Variants in FRRS1 observed in about 807,000 individuals in gnomAD.
The protein encoded by FRRS1 is ferric reductase 1.
FRRS1 carries 51 observed loss-of-function variants against 70.7 expected under a neutral mutation model. The observed-to-expected ratio is 0.72, with a 90% CI of 0.58 to 0.91. FRRS1 has a LOEUF of 0.91. Among genes scored for constraint, FRRS1 ranks in the 40% least tolerant of loss-of-function variants. FRRS1 has a pLI of 0.00. For missense variants in FRRS1, 672 were observed against 726.0 expected, an observed-to-expected ratio of 0.93 and a Z score of 0.86; for synonymous variants, 225 against 238.7, an observed-to-expected ratio of 0.94 and a Z score of 0.53.
intron 10 of FRRS1, among the ~76,000 whole-genome samples, chr1:99,719,070 CAAA>C (rs57652002): frequency 4.7e-5 from 7 of 147,532 alleles, no homozygotes; most frequent in African/African-American, 4.9e-5. Context: ...ACAGCTGTGT[CAAA>C]AAAAAAAAAG....
intron 9 of FRRS1, among the ~76,000 whole-genome samples, chr1:99,723,620 T>A (rs1354244461): frequency 2.0e-5 from 3 of 152,196 alleles, no homozygotes; most frequent in Non-Finnish European, 4.4e-5. Context: ...AGGGGAATCA[T>A]GTTCTATCAA....
chr1:99,745,702 A>G (rs1012603876), intron 4 of FRRS1, among the ~76,000 whole-genome samples: 18 of 152,170 alleles, frequency 1.2e-4, no homozygotes, highest in African/African-American at 4.3e-4. Flanking sequence ...TAAGTGTTCT[A>G]TTGATATTTG....
chr1:99,742,261 T>G lies in FRRS1; in HGVS notation c.346A>C (p.Ser116Arg). The G allele has an allele frequency of 6.2e-7, 1 of 1,602,772 alleles. No homozygotes were observed. Among genetic ancestry groups the G allele is most frequent in the South Asian group, 1.1e-5 (1 of 90,740 alleles). ...TCEDIQGSAV[S>R]HRSASKKTEI... The stretch of plus-strand genomic sequence containing the variant: ...GTTTTTTTAGATGCACTTCTGTGAC[T>G]CACTGCTGATCCCTGAAATAAAAGG... The change falls in exon 5 of 17, where the codon AGT becomes CGT. Residue 116 changes from serine (S) to arginine (R), a missense_variant. Transcript: ENST00000646001.
Position 99,709,007 on chromosome 1 carries a change from A to AG in FRRS1, c.*20_*21insC, listed in dbSNP as rs1221642865. The AG allele has an allele frequency of 6.2e-7, 1 of 1,613,942 alleles. No homozygotes were observed. Among genetic ancestry groups the AG allele is most frequent in the East Asian group, 2.2e-5 (1 of 44,864 alleles). On this transcript the variant is annotated 3_prime_UTR_variant, in exon 17 of 17. Coordinates refer to ENST00000646001, the MANE Select transcript of FRRS1 (RefSeq NM_001361041.2). ...GATGATAATTATCACTTGGCCTGCA[A>AG]AAGCCAAGGTCTTTGCTTGCTCATA...
rs183916101 is a variant in FRRS1 at position 99,715,489 on chromosome 1, C to T, written c.1323+97G>A. ...AAAGGGAAAGAAAGAGGGATCAATG[C>T]TGAAATATCTTTTTACCCATCATTT... On this transcript the variant is annotated intron_variant, in intron 12 of 16. Coordinates refer to ENST00000646001, the MANE Select transcript of FRRS1 (RefSeq NM_001361041.2). 2,441 of 745,682 alleles carry T rather than the reference C, an allele frequency of 3.3e-3. 8 individuals carry two copies. The highest frequency in any genetic ancestry group is 3.6e-3 in the Non-Finnish European group (1,519 of 422,172). The allele number at this position is 745,682 out of a possible 1,614,324, so 46.2% of individuals were successfully genotyped here.
Position 99,728,496 on chromosome 1 carries a change from C to A in FRRS1, c.1003G>T (p.Asp335Tyr). Reference sequence around the variant, plus strand: ...GACAGCTTAACAATATACTTACCATCATTAGCTGCACCATCTGCTAGAAAT... The same window carrying A: ...GACAGCTTAACAATATACTTACCATAATTAGCTGCACCATCTGCTAGAAAT... ...YIFLADGAAN[D>Y]GRIYKHSQQP... is the part of the protein sequence containing the mutation. The change falls in exon 9 of 17, where the codon GAT becomes TAT. Residue 335 changes from aspartate (D) to tyrosine (Y), a missense_variant. Transcript: ENST00000646001. 1 of 1,608,534 alleles carries A rather than the reference C, an allele frequency of 6.2e-7. No homozygotes were observed. The highest frequency in any genetic ancestry group is 8.5e-7 in the Non-Finnish European group (1 of 1,175,838).
intron 4 of FRRS1, among the ~76,000 whole-genome samples, chr1:99,744,969 CAAAAAAAAAAAAA>C (rs71075450): frequency 1.3e-3 from 118 of 91,768 alleles, no homozygotes; most frequent in East Asian, 0.01. Context: ...GACTCCGTCT[CAAAAAAAAAAAAA>C]AAAAAAAAAA....
chr1:99,731,044 A>G (rs1655356874), intron 7 of FRRS1, among the ~76,000 whole-genome samples: 1 of 152,180 alleles, frequency 6.6e-6, no homozygotes, highest in African/African-American at 2.4e-5. Context: ...TCCAAAAAAG[A>G]GAAATAAAAC....
intron 4 of FRRS1, among the ~76,000 whole-genome samples, chr1:99,745,970 A>ATGAGGCCTCCC (rs1345808735): frequency 6.8e-6 from 1 of 147,432 alleles, no homozygotes; most frequent in Non-Finnish European, 1.5e-5. Flanking sequence ...GTAAAAGGCC[A>ATGAGGCCTCCC]TGAGGCCTCC....
At chr1:99,761,628 A>G (rs2101006393) in intron 1 of FRRS1, among the ~76,000 whole-genome samples, 1 of 152,320 alleles carries the variant, frequency 6.6e-6, no homozygotes, top group Non-Finnish European at 1.5e-5. Flanking sequence ...AATACTATTA[A>G]CCTATAATTG....
chr1:99,720,593 T>C (rs1381928626), intron 9 of FRRS1, among the ~76,000 whole-genome samples: 1 of 152,106 alleles, frequency 6.6e-6, no homozygotes, highest in Non-Finnish European at 1.5e-5. Context: ...ACAGGTTATA[T>C]TATCTGCCCA....
intron 6 of FRRS1, among the ~76,000 whole-genome samples, chr1:99,738,470 A>C (rs796350812): frequency 6.6e-6 from 1 of 152,264 alleles, no homozygotes; most frequent in Non-Finnish European, 1.5e-5. Context: ...ATGAACTTTT[A>C]AACTTAATTA....
chr1:99,724,849 G>T (rs1477901762), intron 9 of FRRS1, among the ~76,000 whole-genome samples: 3 of 151,092 alleles, frequency 2.0e-5, no homozygotes, highest in African/African-American at 7.3e-5. Flanking sequence ...TTAATAAACA[G>T]ATTCATGTTT....
At position 99,708,806 on chromosome 1, in the gene FRRS1, G is replaced by T; in HGVS notation, c.*222C>A. 2.6e-6 allele frequency: 2 copies of T among 772,832 alleles called. No homozygotes were observed. Among genetic ancestry groups the T allele is most frequent in the South Asian group, 2.0e-5 (1 of 48,878 alleles). The allele number at this position is 772,832 out of a possible 1,614,324, so 47.9% of individuals were successfully genotyped here. On this transcript the variant is annotated 3_prime_UTR_variant, in exon 17 of 17. Coordinates refer to ENST00000646001, the MANE Select transcript of FRRS1 (RefSeq NM_001361041.2). The stretch of plus-strand genomic sequence containing the variant: ...TCCTGAAGTACAATCTTTCCTTTAA[G>T]ACCCAGAATTACATATAGGGCATGA...
intron 10 of FRRS1, 83 bp from the exon 11 acceptor site, chr1:99,717,608 A>T (rs980963181): frequency 1.0e-5 from 9 of 890,580 alleles, no homozygotes; most frequent in Non-Finnish European, 1.5e-5. Context: ...TGCTCAGAAA[A>T]TATAAACAGC....
At chr1:99,744,812 T>C (rs1656161814) in intron 4 of FRRS1, among the ~76,000 whole-genome samples, 1 of 144,686 alleles carries the variant, frequency 6.9e-6, no homozygotes, top group Non-Finnish European at 1.5e-5. Flanking sequence ...ATAATAATAA[T>C]ACAAAAAATT....
intron 7 of FRRS1, among the ~76,000 whole-genome samples, chr1:99,734,794 A>T (rs1249361254): frequency 1.3e-5 from 2 of 152,174 alleles, no homozygotes; most frequent in Non-Finnish European, 2.9e-5. Context: ...GGGGCATAAT[A>T]AAAAGTTCAG....
intron 11 of FRRS1, 136 bp from the exon 12 acceptor site, chr1:99,715,808 T>A: frequency 1.7e-6 from 1 of 583,542 alleles, no homozygotes; most frequent in South Asian, 2.4e-5. Flanking sequence ...CTAATCACAG[T>A]TTGTAGCCAG....
rs114101332 is a variant in FRRS1, at chr1:99,736,422, G to A, written c.759+1664C>T. ...GTATATCTTTTGTTTAATGAAAGAAGATAGAAGTGCATTCTAGAGGTGTCT... is the reference window on the plus strand; with the variant it reads ...GTATATCTTTTGTTTAATGAAAGAAAATAGAAGTGCATTCTAGAGGTGTCT... On this transcript the variant is annotated intron_variant, in intron 7 of 16. Transcript: ENST00000646001. Among the ~76,000 whole-genome samples the A allele has an allele frequency of 5.2e-3, 792 of 152,194 alleles. 11 individuals carry two copies. The highest frequency in any genetic ancestry group is 0.018 in the African/African-American group (758 of 41,500).
Sources: allele counts gnomAD v4.1 joint callset (sites outside exome capture counted in the v4.1 genomes callset), GRCh38; gene constraint gnomAD v4.1.1; transcripts MANE v1.5; gene names NCBI Gene and HGNC (gene_info 2026-07-23, HGNC 2026-07-21).